The following FLT1 variants were observed in gnomAD, a reference collection of about 807,000 sequenced individuals.
The protein encoded by FLT1 is fms related receptor tyrosine kinase 1.
FLT1 carries 49 observed loss-of-function variants against 156.3 expected under a neutral mutation model. The observed-to-expected ratio is 0.31, with a 90% CI of 0.25 to 0.40. The LOEUF (loss-of-function observed/expected upper bound fraction) is 0.40, where lower values mean the gene tolerates loss of function less well. Ranked by LOEUF, FLT1 falls within the 10% of genes least tolerant of loss-of-function variation. The pLI, the probability that FLT1 is intolerant of heterozygous loss-of-function variation, is 1.00. For synonymous variants in FLT1, 594 were observed against 583.8 expected, an observed-to-expected ratio of 1.02 and a Z score of -0.25; for missense variants, 1,322 against 1,637.2, an observed-to-expected ratio of 0.81 and a Z score of 3.32.
intron 10 of FLT1, among the ~76,000 whole-genome samples, chr13:28,412,351 T>TTTCTTTCTTC (rs1566012936): frequency 5.0e-4 from 1 of 2,010 alleles, no homozygotes; most frequent in Non-Finnish European, 5.4e-3. Context: ...TCTTTCTTTC[T>TTTCTTTCTTC]CTTTCTTTCT....
At chr13:28,353,915 C>A (rs183209327) in intron 15 of FLT1, among the ~76,000 whole-genome samples, 41 of 152,282 alleles carry the variant, frequency 2.7e-4, no homozygotes, top group Admixed American at 2.2e-3. Context: ...GTATAAGAAT[C>A]CTTTTTCAAA....
chr13:28,402,157 A>G (rs968889210), intron 11 of FLT1, among the ~76,000 whole-genome samples: 1 of 152,154 alleles, frequency 6.6e-6, no homozygotes. Context: ...AAAATACAAC[A>G]AAACAAAGAA....
intron 1 of FLT1, among the ~76,000 whole-genome samples, chr13:28,494,201 C>G (rs991259889): frequency 3.3e-5 from 5 of 152,360 alleles, no homozygotes; most frequent in East Asian, 3.9e-4. Flanking sequence ...TGGCCCTCTC[C>G]TGAGATCCTC....
chr13:28,418,126 G>C (rs1421189914), intron 10 of FLT1, among the ~76,000 whole-genome samples: 1 of 152,152 alleles, frequency 6.6e-6, no homozygotes, highest in African/African-American at 2.4e-5. Context: ...AATACGAATA[G>C]GGGAAAGTGC....
At chr13:28,409,353 CT>C (rs60544619) in intron 10 of FLT1, among the ~76,000 whole-genome samples, 14,104 of 143,070 alleles carry the variant, frequency 0.099, 716 homozygotes, top group South Asian at 0.13. Context: ...TTCTTTCTTT[CT>C]TTTTTTTTTT....
intron 10 of FLT1, among the ~76,000 whole-genome samples, chr13:28,411,783 C>T (rs1876211266): frequency 6.6e-6 from 1 of 151,986 alleles, no homozygotes; most frequent in South Asian, 2.1e-4. Flanking sequence ...TGAGCCAGAG[C>T]CATTGTCTGG....
chr13:28,467,218 G>A (rs1879899815), intron 2 of FLT1, 89 bp from the exon 3 acceptor site: 8 of 987,250 alleles, frequency 8.1e-6, no homozygotes, highest in South Asian at 1.3e-5. Flanking sequence ...ATTAGGAAGC[G>A]GAGGTCCTCT....
intron 15 of FLT1, among the ~76,000 whole-genome samples, chr13:28,349,444 ACACACACACACACACATGCGCACACG>A (rs1295192991): frequency 3.3e-5 from 5 of 150,222 alleles, no homozygotes; most frequent in African/African-American, 1.2e-4. Flanking sequence ...ACACACACAC[ACACACACACACACACATGCGCACACG>A]CACACACACA....
intron 29 of FLT1, 52 bp from the exon 30 acceptor site, chr13:28,303,420 A>T (rs1870598752): frequency 1.3e-6 from 2 of 1,517,540 alleles, no homozygotes; most frequent in South Asian, 1.1e-5. Flanking sequence ...TTTTTAGAAA[A>T]CAAAGACACT....
chr13:28,386,123 T>A, intron 13 of FLT1: 1 of 1,052,908 alleles, frequency 9.5e-7, no homozygotes, highest in Non-Finnish European at 1.1e-6. Flanking sequence ...GATTTCCTCA[T>A]CTTAGTGTAC....
intron 2 of FLT1, 26 bp from the exon 3 acceptor site, chr13:28,467,155 A>G: frequency 6.4e-7 from 1 of 1,559,216 alleles, no homozygotes; most frequent in Non-Finnish European, 8.8e-7. Flanking sequence ...AGAAAACAAA[A>G]CATATTTATG....
chr13:28,322,550 T>A lies in FLT1; in HGVS notation c.2954-191A>T. 1.4e-6 allele frequency: 1 copy of A among 722,344 alleles called. No individual in the cohort carries two copies. Among genetic ancestry groups the A allele is most frequent in the Non-Finnish European group, 2.5e-6 (1 of 403,738 alleles). 44.7% of individuals were successfully genotyped at this position (722,344 alleles called of 1,614,324 possible). A position where few individuals can be genotyped will look rare whatever the true frequency, so the allele number is the denominator to read the frequency against. ...GCCTCCAGCCCACTTTATCCAAGCA[T>A]GGGGGCAGGGGGATGATCCATTAAG... On this transcript the variant is annotated intron_variant, in intron 21 of 29. Coordinates refer to ENST00000282397, the MANE Select transcript of FLT1 (RefSeq NM_002019.4). This position sits in a 1 kb window ranked among gnomAD's most constrained non-coding sequence, Gnocchi z 4.3.
chr13:28,408,274 T>C (rs1437897013), intron 10 of FLT1, among the ~76,000 whole-genome samples: 1 of 152,198 alleles, frequency 6.6e-6, no homozygotes, highest in Non-Finnish European at 1.5e-5. Context: ...CACTTGGGGC[T>C]GTTGACCTCT....
chr13:28,466,920 A>G lies in FLT1; in HGVS notation c.371T>C (p.Ile124Thr). The part of the protein sequence containing the change: ...TSKKKETESA[I>T]YIFISDTGRP... ...AGTCTTACCACTAATAAATATATAG[A>G]TTGCAGATTCTGTTTCCTTCTTCTT... Residue 124 changes from isoleucine to threonine, a missense_variant, in exon 3 of 30, where the codon ATC becomes ACC. Coordinates refer to ENST00000282397, the MANE Select transcript of FLT1 (RefSeq NM_002019.4). 1 of 1,608,170 alleles carries G rather than the reference A, an allele frequency of 6.2e-7. No individual in the cohort carries two copies. The highest frequency in any genetic ancestry group is 8.5e-7 in the Non-Finnish European group (1 of 1,174,552).
intron 14 of FLT1, chr13:28,368,599 CGATGAT>C: frequency 7.0e-7 from 1 of 1,432,880 alleles, no homozygotes; most frequent in Non-Finnish European, 9.6e-7. Context: ...ATGATGATGA[CGATGAT>C]GATGATGATG....
intron 17 of FLT1, among the ~76,000 whole-genome samples, chr13:28,338,539 C>T (rs1872205305): frequency 6.6e-6 from 1 of 152,140 alleles, no homozygotes. Context: ...TAGCATCTGC[C>T]CTACCTGGAA....
At chr13:28,479,127 A>G (rs1397967932) in intron 1 of FLT1, among the ~76,000 whole-genome samples, 1 of 152,334 alleles carries the variant, frequency 6.6e-6, no homozygotes, top group Non-Finnish European at 1.5e-5. Context: ...AAAGTTGAGA[A>G]GATCTCTATC....
chr13:28,472,330 T>C (rs1389945628), intron 1 of FLT1, among the ~76,000 whole-genome samples: 1 of 152,176 alleles, frequency 6.6e-6, no homozygotes, highest in Admixed American at 6.5e-5. Context: ...GCCCAGATGA[T>C]TGAGGCTCTT....
intron 8 of FLT1, 100 bp downstream of exon 8, chr13:28,429,950 G>A (rs142105767): frequency 1.1e-5 from 9 of 853,690 alleles, no homozygotes; most frequent in East Asian, 4.8e-5. Flanking sequence ...TCTGAGGAAC[G>A]TCTCTTGGTA....
Sources: gnomAD v4.1 joint callset for allele counts (sites outside exome capture counted in the v4.1 genomes callset) on GRCh38, gnomAD v4.1.1 for gene constraint, Gnocchi (gnomAD v3.1) non-coding constraint, MANE v1.5 for transcripts, NCBI Gene and HGNC (gene_info 2026-07-23, HGNC 2026-07-21) for gene names.